Variants in ETF1 observed in about 807,000 individuals in gnomAD.
ETF1 encodes the protein eukaryotic peptide chain release factor subunit 1.
ETF1 carries 4 observed loss-of-function variants against 55.1 expected under a neutral mutation model. That is an observed-to-expected ratio of 0.07 (90% CI 0.04 to 0.17). The LOEUF (loss-of-function observed/expected upper bound fraction) is 0.17, where lower values mean the gene tolerates loss of function less well. Ranked by LOEUF, ETF1 falls within the 10% of genes least tolerant of loss-of-function variation. The pLI, the probability that ETF1 is intolerant of heterozygous loss-of-function variation, is 1.00. For missense variants in ETF1, 142 were observed against 523.6 expected (o/e 0.27, Z 7.11); for synonymous variants, 157 against 182.3 (o/e 0.86, Z 1.12).
Position 138,508,171 on chromosome 5 carries a change from T to G in ETF1, c.*134A>C. 4.4e-6 allele frequency: 5 copies of G among 1,143,508 alleles called. No homozygotes were observed. Among genetic ancestry groups the G allele is most frequent in the Non-Finnish European group, 3.6e-6 (3 of 825,366 alleles). The allele number at this position is 1,143,508 out of a possible 1,614,324, so 70.8% of individuals were successfully genotyped here. A position where few individuals can be genotyped will look rare whatever the true frequency, so the allele number is the denominator to read the frequency against. Reference sequence around the variant, plus strand: ...TTTTGTTTCGGTTTTCTTTTCAATATCCAATGCTCATGGATTAAGTTCTGG... The same window carrying G: ...TTTTGTTTCGGTTTTCTTTTCAATAGCCAATGCTCATGGATTAAGTTCTGG... On this transcript the variant is annotated 3_prime_UTR_variant, in exon 11 of 11. Coordinates refer to ENST00000360541, the MANE Select transcript of ETF1 (RefSeq NM_004730.4).
intron 2 of ETF1, among the ~76,000 whole-genome samples, chr5:138,535,874 C>CAA (rs35261297): frequency 0.38 from 21,837 of 57,810 alleles, 8,339 homozygotes; most frequent in East Asian, 0.78. Flanking sequence ...GACTCCGCCT[C>CAA]AAAAAAAAAA....
chr5:138,541,229 A>G (rs184144305), intron 2 of ETF1, among the ~76,000 whole-genome samples: 35 of 152,320 alleles, frequency 2.3e-4, no homozygotes, highest in East Asian at 1.2e-3. Context: ...GTCGTGACCT[A>G]TGTTACCCTT....
chr5:138,508,600 A>G lies in ETF1; in HGVS notation c.1231+69T>C. 10 of 1,595,702 alleles carry G rather than the reference A, an allele frequency of 6.3e-6. 1 individual carries two copies. Among genetic ancestry groups the G allele is most frequent in the Non-Finnish European group, 8.5e-6 (10 of 1,170,982 alleles). On this transcript the variant is annotated intron_variant, in intron 10 of 10. Coordinates refer to ENST00000360541, the MANE Select transcript of ETF1 (RefSeq NM_004730.4). ...TAAGCACCTCACCGGAAGCAGGGCT[A>G]GGGCTAGCCAGGAGGGACCTTGACC...
chr5:138,517,465 T>C (rs1040315361), intron 4 of ETF1, 96 bp downstream of exon 4: 9 of 554,938 alleles, frequency 1.6e-5, no homozygotes, highest in Non-Finnish European at 2.8e-5. Flanking sequence ...TTGCCTAGAA[T>C]GAGACAGGTA....
At position 138,523,298 on chromosome 5, in the gene ETF1, C is replaced by T. The variant is rs574135161; in HGVS notation, c.87-4431G>A. Among the ~76,000 whole-genome samples the T allele has an allele frequency of 5.4e-4, 82 of 151,010 alleles. 1 individual carries two copies. In the South Asian group the frequency reaches 0.016, roughly 30 times the overall value. On this transcript the variant is annotated intron_variant, in intron 2 of 10. Coordinates refer to ENST00000360541, the MANE Select transcript of ETF1 (RefSeq NM_004730.4). The stretch of plus-strand genomic sequence containing the variant: ...AGGAGAATCGCTTGAACCCGGGAGG[C>T]GGAGGTTGCAATGAGCCGAGATAGA...
chr5:138,522,494 C>G (rs1364525378), intron 2 of ETF1, among the ~76,000 whole-genome samples: 2 of 151,778 alleles, frequency 1.3e-5, no homozygotes, highest in African/African-American at 4.8e-5. Context: ...CCACTCTACT[C>G]TTAGTTAGAT....
intron 2 of ETF1, among the ~76,000 whole-genome samples, chr5:138,527,553 G>A (rs1295066359): frequency 6.6e-6 from 1 of 152,152 alleles, no homozygotes; most frequent in African/African-American, 2.4e-5. Context: ...AAAGATACTT[G>A]CTTTGGAAGA....
At chr5:138,538,960 A>C (rs1434158695) in intron 2 of ETF1, among the ~76,000 whole-genome samples, 1 of 152,230 alleles carries the variant, frequency 6.6e-6, no homozygotes, top group Non-Finnish European at 1.5e-5. Flanking sequence ...GGCAGGAACA[A>C]CCAATTTTAT....
intron 2 of ETF1, among the ~76,000 whole-genome samples, chr5:138,531,897 A>C (rs1765714701): frequency 6.6e-6 from 1 of 152,140 alleles, no homozygotes; most frequent in Admixed American, 6.5e-5. Context: ...ATGCAAAAAA[A>C]TTAGCCGGGC....
At chr5:138,542,781 T>G in intron 2 of ETF1, 52 bp downstream of exon 2, 1 of 1,602,746 alleles carries the variant, frequency 6.2e-7, no homozygotes. Flanking sequence ...GCGTCCATCC[T>G]GAGGGGTCCG....
intron 9 of ETF1, chr5:138,509,084 G>T: frequency 1.0e-6 from 1 of 985,158 alleles, no homozygotes; most frequent in Non-Finnish European, 1.2e-6. Context: ...TTCAGCTTAT[G>T]ATTCCTACTG....
At chr5:138,520,683 C>T (rs1765198025) in intron 2 of ETF1, among the ~76,000 whole-genome samples, 2 of 152,014 alleles carry the variant, frequency 1.3e-5, no homozygotes, top group African/African-American at 4.8e-5. Context: ...CTGGGTGTCA[C>T]GTGATGCAGG....
At chr5:138,508,452 G>A in intron 10 of ETF1, 65 bp from the exon 11 acceptor site, 1 of 1,603,568 alleles carries the variant, frequency 6.2e-7, no homozygotes, top group Non-Finnish European at 8.5e-7. Context: ...GTAGGTGGCT[G>A]GTAAGGGAAT....
At chr5:138,523,362 G>A (rs77937788) in intron 2 of ETF1, among the ~76,000 whole-genome samples, 7,856 of 150,232 alleles carry the variant, frequency 0.052, 635 homozygotes, top group African/African-American at 0.18. Context: ...GCTAGACTCC[G>A]TCTCAAGGAA....
At chr5:138,524,646 C>T (rs537448330) in intron 2 of ETF1, among the ~76,000 whole-genome samples, 3 of 146,470 alleles carry the variant, frequency 2.0e-5, no homozygotes, top group South Asian at 4.4e-4. Flanking sequence ...GGCGCGATCT[C>T]GGCTCACTGT....
intron 2 of ETF1, among the ~76,000 whole-genome samples, chr5:138,536,284 C>T (rs1032816092): frequency 6.6e-6 from 1 of 152,138 alleles, no homozygotes; most frequent in Admixed American, 6.5e-5. Context: ...AACAAGAGTA[C>T]AAACTCAACA....
chr5:138,541,627 G>A lies in ETF1; in HGVS notation c.86+1206C>T. ...TAAAATTGCAAATCTACCCATAAATGACAATCCTGGGCTGGAAACCAGAAT... is the reference window on the plus strand; with the variant it reads ...TAAAATTGCAAATCTACCCATAAATAACAATCCTGGGCTGGAAACCAGAAT... On this transcript the variant is annotated intron_variant, in intron 2 of 10. Transcript: ENST00000360541. The A allele has an allele frequency of 6.5e-6, 10 of 1,528,862 alleles. No homozygotes were observed. The East Asian group carries it at 1.5e-4, about 22-fold the overall frequency. The allele number at this position is 1,528,862 out of a possible 1,614,324, so 94.7% of individuals were successfully genotyped here.
At position 138,518,726 on chromosome 5, in the gene ETF1, T is replaced by C. The variant is rs772828773; in HGVS notation, c.228A>G (p.Thr76=). The change falls in exon 3 of 11, where the codon ACA becomes ACG. Residue 76 remains threonine, a synonymous_variant. Transcript: ENST00000360541. Reference sequence around the variant, plus strand: ...AAAGTTTGAGTCTTTGTTGTACAGATGTAATGGCTCCCAGGACTGAAAGGC... The same window carrying C: ...AAAGTTTGAGTCTTTGTTGTACAGACGTAATGGCTCCCAGGACTGAAAGGC... The part of the protein sequence containing the change: ...VNRLSVLGAI[T]SVQQRLKLYN... 4.3e-6 allele frequency: 7 copies of C among 1,613,642 alleles called. No individual in the cohort carries two copies. Among genetic ancestry groups the C allele is most frequent in the South Asian group, 3.3e-5 (3 of 91,076 alleles).
At chr5:138,521,483 CG>C (rs1765229903) in intron 2 of ETF1, among the ~76,000 whole-genome samples, 1 of 151,998 alleles carries the variant, frequency 6.6e-6, no homozygotes, top group Non-Finnish European at 1.5e-5. Flanking sequence ...TTTTTTACAA[CG>C]AAAAAAATTC....
Sources: allele counts gnomAD v4.1 joint callset (sites outside exome capture counted in the v4.1 genomes callset), GRCh38; gene constraint gnomAD v4.1.1; transcripts MANE v1.5; gene names NCBI Gene and HGNC (gene_info 2026-07-23, HGNC 2026-07-21).